CD1B: variants seen among roughly 807,000 people sequenced by gnomAD.
The protein encoded by CD1B is T-cell surface glycoprotein CD1b.
A neutral mutation model predicts 39.8 loss-of-function variants in CD1B; 43 were observed. The ratio of observed to expected loss-of-function variants is 1.08; its 90% CI spans 0.85 to 1.39. CD1B has a LOEUF of 1.39. Among genes scored for constraint, CD1B ranks in the 40% most tolerant of loss-of-function variants. The pLI is 0.00. For synonymous variants in CD1B, 192 were observed against 152.5 expected, an observed-to-expected ratio of 1.26 and a Z score of -1.91; for missense variants, 495 against 403.8, an observed-to-expected ratio of 1.23 and a Z score of -1.94.
Position 158,330,821 on chromosome 1 carries a change from G to A in CD1B, c.303C>T (p.Asp101=). ...ATTTCATCTGGAAATCACCGGCAAA[G>A]TCTTGTACTTCTCGAGCGAATCCAA... The part of the protein sequence containing the change: ...YIFGFAREVQ[D]FAGDFQMKYP... The change falls in exon 2 of 6, where the codon GAC becomes GAT. Residue 101 remains aspartate, a synonymous_variant. Transcript: ENST00000368168. 2 of 1,614,180 alleles carry A rather than the reference G, an allele frequency of 1.2e-6. No homozygotes were observed. Among genetic ancestry groups the A allele is most frequent in the South Asian group, 1.1e-5 (1 of 91,086 alleles).
At chr1:158,298,845 C>T in the CD1B span, among the ~76,000 whole-genome samples, 7 of 152,104 alleles carry the variant, frequency 4.6e-5, no homozygotes, top group East Asian at 3.9e-4. Flanking sequence ...GGAAAGCTTG[C>T]GATTTTTGCA....
the CD1B span, among the ~76,000 whole-genome samples, chr1:158,320,603 A>G: frequency 6.6e-6 from 1 of 152,176 alleles, no homozygotes; most frequent in East Asian, 1.9e-4. Flanking sequence ...ATGGAAATGC[A>G]GAAATCACCC....
At chr1:158,327,903 A>C (rs1652419776), downstream of CD1B, 1 of 203,310 alleles carries the variant, frequency 4.9e-6, no homozygotes, top group South Asian at 1.5e-4. Context: ...TTTAACCAGA[A>C]GCAGAAAAAG....
chr1:158,308,869 G>T, the CD1B span, among the ~76,000 whole-genome samples: 28 of 152,142 alleles, frequency 1.8e-4, no homozygotes, highest in African/African-American at 6.7e-4. Flanking sequence ...ACCTGAAACC[G>T]TAAAAACCCT....
In CD1B at chr1:158,329,144, T is replaced by A. The variant is rs572569883; in HGVS notation, c.887-130A>T. ...TCCTCTCTCATATTCCTGGCCACCA[T>A]ATATCCATCCTTTGATCCCCTCTAC... On this transcript the variant is annotated intron_variant, in intron 4 of 5. Transcript: ENST00000368168. 1.6e-3 allele frequency: 1,528 copies of A among 936,606 alleles called. 3 individuals carry two copies. The highest frequency in any genetic ancestry group is 2.3e-3 in the Non-Finnish European group (1,407 of 618,830). 58.0% of individuals were successfully genotyped at this position (936,606 alleles called of 1,614,324 possible).
chr1:158,328,131 C>T lies in CD1B; in HGVS notation c.*105G>A. 2 of 880,648 alleles carry T rather than the reference C, an allele frequency of 2.3e-6. No homozygotes were observed. Among genetic ancestry groups the T allele is most frequent in the Non-Finnish European group, 3.7e-6 (2 of 546,588 alleles). 54.6% of individuals were successfully genotyped at this position (880,648 alleles called of 1,614,324 possible). On this transcript the variant is annotated 3_prime_UTR_variant, in exon 6 of 6. Transcript: ENST00000368168. ...TTAAAATACATGAAAACTCTGATTT[C>T]ATCAAATTTGAAAATCATTTGAAAT...
the CD1B span, among the ~76,000 whole-genome samples, chr1:158,306,289 G>T: frequency 6.6e-6 from 1 of 152,102 alleles, no homozygotes; most frequent in Non-Finnish European, 1.5e-5. Flanking sequence ...CCTAGTCTCT[G>T]ATAAAACAGA....
At chr1:158,328,292 A>G (rs1448199235) in intron 5 of CD1B, 35 bp from the exon 6 acceptor site, 2 of 1,585,570 alleles carry the variant, frequency 1.3e-6, no homozygotes, top group East Asian at 2.2e-5. Context: ...AGCTCCACAT[A>G]AAAGATGTTT....
chr1:158,321,487 A>G, the CD1B span, among the ~76,000 whole-genome samples: 1 of 152,208 alleles, frequency 6.6e-6, no homozygotes, highest in African/African-American at 2.4e-5. Context: ...TAATAGGAAA[A>G]TTTAATCCAT....
At chr1:158,290,136 C>T in the CD1B span, 49 of 1,612,132 alleles carry the variant, frequency 3.0e-5, no homozygotes, top group Non-Finnish European at 4.0e-5. Context: ...GTAAGAACAT[C>T]GCTGTCAGCT....
the CD1B span, among the ~76,000 whole-genome samples, chr1:158,322,095 T>A: frequency 6.6e-6 from 1 of 152,360 alleles, no homozygotes; most frequent in South Asian, 2.1e-4. Flanking sequence ...CCAATTTACA[T>A]CTTTTGTATG....
chr1:158,311,994 A>G, the CD1B span, among the ~76,000 whole-genome samples: 2 of 152,108 alleles, frequency 1.3e-5, no homozygotes, highest in Non-Finnish European at 2.9e-5. Flanking sequence ...TGATGGTTCA[A>G]TATTAATTTA....
chr1:158,293,934 A>G, the CD1B span, among the ~76,000 whole-genome samples: 1 of 152,198 alleles, frequency 6.6e-6, no homozygotes, highest in Admixed American at 6.5e-5. Flanking sequence ...AATTTTTCTC[A>G]TTATATTCCT....
the CD1B span, among the ~76,000 whole-genome samples, chr1:158,308,433 T>A: frequency 6.6e-6 from 1 of 152,120 alleles, no homozygotes; most frequent in Non-Finnish European, 1.5e-5. Flanking sequence ...TTCAATGCCA[T>A]CTCCATCAAG....
the CD1B span, among the ~76,000 whole-genome samples, chr1:158,290,606 G>A: frequency 9.2e-5 from 14 of 152,122 alleles, no homozygotes; most frequent in Admixed American, 7.2e-4. Context: ...TGAGTAGGAG[G>A]CCTAAGGTTA....
At chr1:158,295,200 C>T in the CD1B span, among the ~76,000 whole-genome samples, 2 of 151,950 alleles carry the variant, frequency 1.3e-5, no homozygotes, top group Non-Finnish European at 2.9e-5. Context: ...ACAAGACCAT[C>T]AAGAAGAGCA....
chr1:158,329,459 G>A lies in CD1B; in HGVS notation c.797C>T (p.Thr266Ile), dbSNP rs1317701079. Residue 266 changes from threonine to isoleucine, a missense_variant, in exon 4 of 6, where the codon ACC (threonine) becomes ATC (isoleucine). Thr to Ile is a moderately conservative substitution (Grantham distance 89, BLOSUM62 -1). Coordinates refer to ENST00000368168, the MANE Select transcript of CD1B (RefSeq NM_001764.3). ...NANWTWYLRATLDVADGEAAG... is the reference protein window; with the variant it reads ...NANWTWYLRAILDVADGEAAG... ...CGCCTCCCCATCTGCCACATCCAGG[G>A]TTGCTCGGAGATACCATGTCCAGTT... is the stretch of plus-strand genomic sequence containing the variant. 1 of 1,614,036 alleles carries A rather than the reference G, an allele frequency of 6.2e-7. No individual in the cohort carries two copies. Among genetic ancestry groups the A allele is most frequent in the Non-Finnish European group, 8.5e-7 (1 of 1,180,050 alleles).
At chr1:158,320,167 G>C in the CD1B span, among the ~76,000 whole-genome samples, 1 of 152,208 alleles carries the variant, frequency 6.6e-6, no homozygotes, top group Non-Finnish European at 1.5e-5. Context: ...AGGCCTCCTT[G>C]AGCTGTGGTG....
chr1:158,320,911 T>C, the CD1B span, among the ~76,000 whole-genome samples: 2 of 152,206 alleles, frequency 1.3e-5, no homozygotes, highest in Non-Finnish European at 2.9e-5. Flanking sequence ...GTTAAGACTT[T>C]TATTGCAGCT....
Sources: allele counts gnomAD v4.1 joint callset (sites outside exome capture counted in the v4.1 genomes callset), GRCh38; gene constraint gnomAD v4.1.1; transcripts MANE v1.5; gene names NCBI Gene and HGNC (gene_info 2026-07-23, HGNC 2026-07-21).